The following NUP210 variants were observed in gnomAD, a reference collection of about 807,000 sequenced individuals.
NUP210 encodes nucleoporin 210, also known as nuclear pore membrane glycoprotein 210.
A neutral mutation model predicts 196.0 loss-of-function variants in NUP210; 151 were observed. The ratio of observed to expected loss-of-function variants is 0.77; its 90% CI spans 0.67 to 0.88. The LOEUF (loss-of-function observed/expected upper bound fraction) is 0.88, where lower values mean the gene tolerates loss of function less well. Among genes scored for constraint, NUP210 ranks in the 40% least tolerant of loss-of-function variants. The probability of loss-of-function intolerance (pLI) is 0.00; values close to 1 mark genes in which losing one functional copy is unlikely to be tolerated. For synonymous variants in NUP210, 1,070 were observed against 1,052.7 expected, an observed-to-expected ratio of 1.02 and a Z score of -0.32; for missense variants, 2,314 against 2,493.7, an observed-to-expected ratio of 0.93 and a Z score of 1.53.
chr3:13,347,036 T>A lies in NUP210; in HGVS notation c.2836-3733A>T, dbSNP rs1697764554. On this transcript the variant is annotated intron_variant, in intron 20 of 39. Coordinates refer to ENST00000254508, the MANE Select transcript of NUP210 (RefSeq NM_024923.4). This position sits in a 1 kb window ranked among gnomAD's most constrained non-coding sequence, Gnocchi z 4.7. ...AGGGAAAAGGTGGATGCACCTGACTTCAGGCCCTGCAATTGCCACCCACTC... is the reference window on the plus strand; with the variant it reads ...AGGGAAAAGGTGGATGCACCTGACTACAGGCCCTGCAATTGCCACCCACTC... 2 of 985,352 alleles carry A rather than the reference T, an allele frequency of 2.0e-6. No homozygotes were observed. The highest frequency in any genetic ancestry group is 1.7e-5 in the African/African-American group (1 of 57,326). 61.0% of individuals were successfully genotyped at this position (985,352 alleles called of 1,614,324 possible).
Position 13,342,935 on chromosome 3 carries a change from G to C in NUP210, c.2964+240C>G, listed in dbSNP as rs191094549. The stretch of plus-strand genomic sequence containing the variant: ...GGTCATGGCTAATTTAGAGACAGCA[G>C]GATTTACTGCCAAGCCTCATGGGTA... On this transcript the variant is annotated intron_variant, in intron 21 of 39. Coordinates refer to ENST00000254508, the MANE Select transcript of NUP210 (RefSeq NM_024923.4). Among the ~76,000 whole-genome samples the C allele has an allele frequency of 2.9e-3, 440 of 152,338 alleles. 3 individuals are homozygous for C. Among genetic ancestry groups the C allele is most frequent in the African/African-American group, 0.01 (420 of 41,578 alleles).
In NUP210 at chr3:13,388,528, T is replaced by C. The variant is rs974741425; in HGVS notation, c.534-75A>G. On this transcript the variant is annotated intron_variant, in intron 4 of 39. Transcript: ENST00000254508. ...GATTTGTCAGAATCTACCACAGCAT[T>C]CCCTATCAGTACCTCCCACTGGGGC... is the stretch of plus-strand genomic sequence containing the variant. 5 of 1,449,876 alleles carry C rather than the reference T, an allele frequency of 3.4e-6. No homozygotes were observed. The East Asian group carries it at 7.4e-5, about 22-fold the overall frequency. The allele number at this position is 1,449,876 out of a possible 1,614,324, so 89.8% of individuals were successfully genotyped here. A position where few individuals can be genotyped will look rare whatever the true frequency, so the allele number is the denominator to read the frequency against.
chr3:13,347,064 C>T lies in NUP210; in HGVS notation c.2836-3761G>A. The T allele has an allele frequency of 2.0e-6, 2 of 985,436 alleles. No individual in the cohort carries two copies. The highest frequency in any genetic ancestry group is 2.4e-6 in the Non-Finnish European group (2 of 829,914). The allele number at this position is 985,436 out of a possible 1,614,324, so 61.0% of individuals were successfully genotyped here. On this transcript the variant is annotated intron_variant, in intron 20 of 39. Coordinates refer to ENST00000254508, the MANE Select transcript of NUP210 (RefSeq NM_024923.4). This position sits in a 1 kb window ranked among gnomAD's most constrained non-coding sequence, Gnocchi z 4.7. The stretch of plus-strand genomic sequence containing the variant: ...GGCCCTGCAATTGCCACCCACTCCC[C>T]ACTCATCCTGGACACATGTCCTCAC...
chr3:13,344,949 T>C (rs1193351846), intron 20 of NUP210: 33 of 985,298 alleles, frequency 3.3e-5, no homozygotes, highest in Non-Finnish European at 4.0e-5. Context: ...CTCCAGCACC[T>C]CTTCTCCCCT....
At chr3:13,329,098 G>A (rs773464978) in intron 30 of NUP210, 152 bp from the exon 31 acceptor site, 27 of 635,738 alleles carry the variant, frequency 4.2e-5, no homozygotes, top group African/African-American at 7.3e-5. Flanking sequence ...AGGAGTAAAG[G>A]CCACACTCCC....
Position 13,391,244 on chromosome 3 carries a change from G to A in NUP210, c.500C>T (p.Ala167Val), listed in dbSNP as rs112416888. Residue 167 changes from alanine (A) to valine (V), a missense_variant, in exon 4 of 40, where the codon GCG (alanine) becomes GTG (valine). Coordinates refer to ENST00000254508, the MANE Select transcript of NUP210 (RefSeq NM_024923.4). ...ATTGTGGGAGTCTGAGAACCTGTCCGCCTCGGAGTCCTTCACAATCGTCCA... is the reference window on the plus strand; with the variant it reads ...ATTGTGGGAGTCTGAGAACCTGTCCACCTCGGAGTCCTTCACAATCGTCCA... ...FEWTIVKDSE[A>V]DRFSDSHNAL... 1.6e-5 allele frequency: 25 copies of A among 1,612,520 alleles called. No individual in the cohort carries two copies. Among genetic ancestry groups the A allele is most frequent in the African/African-American group, 6.7e-5 (5 of 74,992 alleles).
chr3:13,371,992 C>A lies in NUP210; in HGVS notation c.1628G>T (p.Cys543Phe). 1.3e-6 allele frequency: 2 copies of A among 1,597,260 alleles called. No homozygotes were observed. Among genetic ancestry groups the A allele is most frequent in the Non-Finnish European group, 1.7e-6 (2 of 1,171,800 alleles). Reference protein sequence around the residue: ...IEPHSMEFAPCQVEARVGQAL... With the variant: ...IEPHSMEFAPFQVEARVGQAL... ...CTGGCCCACACGTGCCTCCACCTGG[C>A]ACGGGGCAAACTCCATGCTGTGGGG... is the stretch of plus-strand genomic sequence containing the variant. The change falls in exon 13 of 40, where the codon TGC becomes TTC. Residue 543 changes from cysteine (C) to phenylalanine (F), a missense_variant. Coordinates refer to ENST00000254508, the MANE Select transcript of NUP210 (RefSeq NM_024923.4).
At chr3:13,353,246 G>C (rs1698043595) in intron 18 of NUP210, among the ~76,000 whole-genome samples, 1 of 152,148 alleles carries the variant, frequency 6.6e-6, no homozygotes, top group Non-Finnish European at 1.5e-5. Flanking sequence ...TCTCCTTCCA[G>C]CCTGTACCTG....
Position 13,377,511 on chromosome 3 carries a change from T to C in NUP210, c.1097A>G (p.Tyr366Cys), listed in dbSNP as rs778806457. 3 of 1,613,830 alleles carry C rather than the reference T, an allele frequency of 1.9e-6. No individual in the cohort carries two copies. The South Asian group carries it at 3.3e-5, about 18-fold the overall frequency. ...GTCAAAAACTTCGATGGTGATTTCA[T>C]ACAGGCGGCCGGTCTCCAGCACCCA... is the stretch of plus-strand genomic sequence containing the variant. ...DRWVLETGRL[Y>C]EITIEVFDKF... Residue 366 changes from tyrosine to cysteine, a missense_variant, in exon 9 of 40, where the codon TAT becomes TGT. Coordinates refer to ENST00000254508, the MANE Select transcript of NUP210 (RefSeq NM_024923.4).
At chr3:13,417,264 G>C (rs1053674873) in intron 1 of NUP210, among the ~76,000 whole-genome samples, 1 of 152,142 alleles carries the variant, frequency 6.6e-6, no homozygotes, top group African/African-American at 2.4e-5. Context: ...AACACAGGCT[G>C]TTTAAACTAG....
At chr3:13,339,348 A>G (rs1490568195) in intron 25 of NUP210, among the ~76,000 whole-genome samples, 1 of 152,208 alleles carries the variant, frequency 6.6e-6, no homozygotes, top group Non-Finnish European at 1.5e-5. Flanking sequence ...CAGTTGCATT[A>G]CACATCACAG....
At chr3:13,321,066 G>A (rs1696508127) in intron 36 of NUP210, among the ~76,000 whole-genome samples, 1 of 152,268 alleles carries the variant, frequency 6.6e-6, no homozygotes, top group African/African-American at 2.4e-5. Context: ...AGCAAGGCAG[G>A]AGGAGCAGGC....
intron 3 of NUP210, among the ~76,000 whole-genome samples, chr3:13,391,679 T>C (rs1305126804): frequency 7.0e-6 from 1 of 142,378 alleles, no homozygotes; most frequent in Non-Finnish European, 1.5e-5. Context: ...ACCTGGGCCA[T>C]TCATTCCTGC....
intron 2 of NUP210, among the ~76,000 whole-genome samples, chr3:13,398,480 A>C (rs1699736537): frequency 6.6e-6 from 1 of 152,238 alleles, no homozygotes; most frequent in South Asian, 2.1e-4. Context: ...AAAAACTGGG[A>C]ATTTATCTTA....
intron 1 of NUP210, among the ~76,000 whole-genome samples, chr3:13,412,558 A>C (rs1486064999): frequency 6.6e-6 from 1 of 151,996 alleles, no homozygotes; most frequent in African/African-American, 2.4e-5. Context: ...TACTAAAAAC[A>C]CAAAAATTAG....
In NUP210 at chr3:13,406,047, G is replaced by C. The variant is rs551834527; in HGVS notation, c.168-6186C>G. On this transcript the variant is annotated intron_variant, in intron 1 of 39. Transcript: ENST00000254508. Reference sequence around the variant, plus strand: ...AGATAATGTCAATGTTTTTTAAAAAGTGAGTCATTTTGAAGGAAATGTTCA... The same window carrying C: ...AGATAATGTCAATGTTTTTTAAAAACTGAGTCATTTTGAAGGAAATGTTCA... Among the ~76,000 whole-genome samples the C allele has an allele frequency of 3.7e-4, 57 of 152,286 alleles. No homozygotes were observed. In the South Asian group the frequency reaches 7.5e-3, roughly 20 times the overall value.
In NUP210 at chr3:13,325,848, C is replaced by A; in HGVS notation, c.4591G>T (p.Gly1531Ter). ...KTGVAVARAV[G>*]SVTVYYEVAG... ...ACCTCATAGTAAACCGTCACGGATC[C>A]CACGGCCCGGGCCACAGCCACACCC... The change falls in exon 33 of 40, where the codon GGA (glycine) becomes TGA (stop). Residue 1531 changes from glycine (G) to a stop codon, truncating the protein, a stop_gained. Transcript: ENST00000254508. LOFTEE classifies it high-confidence loss of function. 1.2e-6 allele frequency: 2 copies of A among 1,613,978 alleles called. No individual in the cohort carries two copies. The highest frequency in any genetic ancestry group is 1.7e-6 in the Non-Finnish European group (2 of 1,180,024).
At chr3:13,414,287 G>A (rs1302260368) in intron 1 of NUP210, among the ~76,000 whole-genome samples, 3 of 152,284 alleles carry the variant, frequency 2.0e-5, no homozygotes, top group Non-Finnish European at 4.4e-5. Flanking sequence ...TCGTGGGGCT[G>A]ACAGAGCTCA....
In NUP210 at chr3:13,335,522, C is replaced by G. The variant is rs146409293; in HGVS notation, c.3775G>C (p.Ala1259Pro). The part of the protein sequence containing the change: ...GRTGLRVVVK[A>P]VDPTSGQLYG... ...AGCTGCCCCGATGTGGGGTCCACAG[C>G]CTTGACCACCACCCTCAGCCCGGTC... is the stretch of plus-strand genomic sequence containing the variant. Residue 1259 changes from alanine to proline, a missense_variant, in exon 28 of 40, where the codon GCT becomes CCT. Ala to Pro is a conservative substitution (Grantham distance 27). Coordinates refer to ENST00000254508, the MANE Select transcript of NUP210 (RefSeq NM_024923.4). 6.3e-5 allele frequency: 101 copies of G among 1,614,034 alleles called. No individual in the cohort carries two copies. The highest frequency in any genetic ancestry group is 8.2e-5 in the Non-Finnish European group (97 of 1,180,052).
Sources: gnomAD v4.1 joint callset for allele counts (sites outside exome capture counted in the v4.1 genomes callset) on GRCh38, gnomAD v4.1.1 for gene constraint, Gnocchi (gnomAD v3.1) non-coding constraint, MANE v1.5 for transcripts, NCBI Gene and HGNC (gene_info 2026-07-23, HGNC 2026-07-21) for gene names.